PHC3: variants seen among roughly 807,000 people sequenced by gnomAD.
The protein encoded by PHC3 is polyhomeotic-like protein 3.
Under a neutral mutation model 107.4 loss-of-function variants are expected in PHC3, and 13 were observed. The ratio of observed to expected loss-of-function variants is 0.12; its 90% confidence interval spans 0.08 to 0.19. PHC3 has a LOEUF of 0.19. Ranked by LOEUF, PHC3 falls within the 10% of genes least tolerant of loss-of-function variation. PHC3 has a pLI of 1.00. For missense variants in PHC3, 992 were observed against 1,210.9 expected (o/e 0.82, Z 2.68); for synonymous variants, 456 against 427.4 (o/e 1.07, Z -0.83).
In PHC3 at chr3:170,102,524, T is replaced by C. The variant is rs760164597; in HGVS notation, c.2788A>G (p.Ile930Val). 19 of 1,613,732 alleles carry C rather than the reference T, an allele frequency of 1.2e-5. No homozygotes were observed. In the Admixed American group the frequency reaches 1.8e-4, roughly 16 times the overall value. ...GCCCAGACATCATCAACTGTCCATA[T>C]AGATGGCTCTGTTTGTGCAACTGGT... Reference protein sequence around the residue: ...LLPVAQTEPSIWTVDDVWAFI... With the variant: ...LLPVAQTEPSVWTVDDVWAFI... Residue 930 changes from isoleucine (I) to valine (V), a missense_variant, in exon 14 of 15, where the codon ATA (isoleucine) becomes GTA (valine). Ile to Val is a conservative substitution (Grantham distance 29, BLOSUM62 3). Around this residue, in one of 6 missense-constraint regions of PHC3, gnomAD observed 228 missense variants for 288.8 expected, o/e 0.79. Transcript: ENST00000495893.
rs560720406 is a variant in PHC3 at position 170,150,729 on chromosome 3, A to G, written c.415-1485T>C. 141 of 424,682 alleles carry G rather than the reference A, an allele frequency of 3.3e-4. 2 individuals carry two copies. The highest frequency in any genetic ancestry group is 2.0e-3 in the South Asian group (127 of 62,582). The allele number at this position is 424,682 out of a possible 1,614,324, so 26.3% of individuals were successfully genotyped here. ...CTCCATCTAAAAAGAGAAAAGAAAA[A>G]AAGAAAAAAACCCAATAAACTAGTG... On this transcript the variant is annotated intron_variant, in intron 4 of 14. Coordinates refer to ENST00000495893, the MANE Select transcript of PHC3 (RefSeq NM_024947.4).
chr3:170,146,529 CTTTTTCTTTTT>C (rs1724984321), intron 5 of PHC3, among the ~76,000 whole-genome samples: 1 of 138,948 alleles, frequency 7.2e-6, no homozygotes, highest in Non-Finnish European at 1.5e-5. Flanking sequence ...TTTTCCTTTT[CTTTTTCTTTTT>C]TTTTTTTTTT....
intron 12 of PHC3, among the ~76,000 whole-genome samples, chr3:170,103,294 A>G (rs1213678157): frequency 6.6e-6 from 1 of 152,254 alleles, no homozygotes; most frequent in East Asian, 1.9e-4. Flanking sequence ...GAAGTTATGT[A>G]GTATCTAAAT....
chr3:170,131,813 G>T (rs1195537874), intron 7 of PHC3, among the ~76,000 whole-genome samples: 1 of 152,104 alleles, frequency 6.6e-6, no homozygotes, highest in African/African-American at 2.4e-5. Context: ...CTCCAGCCTG[G>T]GCAACAGAGG....
intron 6 of PHC3, among the ~76,000 whole-genome samples, chr3:170,139,939 T>G (rs1403948136): frequency 6.6e-6 from 1 of 152,130 alleles, no homozygotes; most frequent in Non-Finnish European, 1.5e-5. Flanking sequence ...TTATGAAAAC[T>G]TTCTGGCTTT....
At chr3:170,120,845 C>A (rs1165622147) in intron 9 of PHC3, among the ~76,000 whole-genome samples, 1 of 152,076 alleles carries the variant, frequency 6.6e-6, no homozygotes, top group Non-Finnish European at 1.5e-5. Flanking sequence ...CCTGTTGTAG[C>A]AGTCCTTCTT....
intron 4 of PHC3, among the ~76,000 whole-genome samples, chr3:170,151,074 G>A (rs1232528867): frequency 6.6e-6 from 1 of 152,000 alleles, no homozygotes; most frequent in Non-Finnish European, 1.5e-5. Context: ...AGCCAGGTGT[G>A]ATGGCACGCG....
intron 11 of PHC3, among the ~76,000 whole-genome samples, chr3:170,111,376 GAA>G (rs1348959901): frequency 7.0e-6 from 1 of 143,318 alleles, no homozygotes; most frequent in Non-Finnish European, 1.5e-5. Flanking sequence ...GAAAAAGAAA[GAA>G]AGAGAGAGAA....
At chr3:170,166,420 T>C (rs1301289081) in intron 4 of PHC3, among the ~76,000 whole-genome samples, 1 of 152,216 alleles carries the variant, frequency 6.6e-6, no homozygotes, top group Non-Finnish European at 1.5e-5. Context: ...GCATTCTTGC[T>C]TCTTACACTC....
chr3:170,133,093 T>C (rs933751378), intron 7 of PHC3, among the ~76,000 whole-genome samples: 18 of 152,298 alleles, frequency 1.2e-4, no homozygotes, highest in African/African-American at 4.3e-4. Flanking sequence ...TAGATTTTTT[T>C]ACATTTAAAA....
At position 170,117,378 on chromosome 3, in the gene PHC3, G is replaced by A. The variant is rs755897164; in HGVS notation, c.2041C>T (p.Leu681Phe). 1 of 1,613,894 alleles carries A rather than the reference G, an allele frequency of 6.2e-7. No homozygotes were observed. Among genetic ancestry groups the A allele is most frequent in the African/African-American group, 1.3e-5 (1 of 75,020 alleles). The change falls in exon 10 of 15, where the codon CTT becomes TTT. Residue 681 changes from leucine to phenylalanine, a missense_variant. Physicochemically the swap from Leu to Phe is conservative, Grantham distance 22. Transcript: ENST00000495893. ...TTACTCCTTGTGGTGGCAGCTGGAAGTAACAATGGAGGTGGTGGAACAGAA... is the reference window on the plus strand; with the variant it reads ...TTACTCCTTGTGGTGGCAGCTGGAAATAACAATGGAGGTGGTGGAACAGAA... The part of the protein sequence containing the change: ...HVSVPPPPLL[L>F]PAATTRSNST...
intron 8 of PHC3, among the ~76,000 whole-genome samples, chr3:170,126,714 GT>G (rs1289129519): frequency 6.6e-6 from 1 of 151,020 alleles, no homozygotes; most frequent in Non-Finnish European, 1.5e-5. Context: ...GCTAATTTTT[GT>G]ATTTTTAGTA....
At chr3:170,139,810 T>C (rs1389650830) in intron 6 of PHC3, among the ~76,000 whole-genome samples, 1 of 152,200 alleles carries the variant, frequency 6.6e-6, no homozygotes, top group Non-Finnish European at 1.5e-5. Flanking sequence ...AGATAACATA[T>C]ACGGATTTCC....
chr3:170,152,161 TTTTTG>T (rs758555637), intron 4 of PHC3, among the ~76,000 whole-genome samples: 66 of 151,672 alleles, frequency 4.4e-4, no homozygotes, highest in Non-Finnish European at 7.4e-4. Context: ...ATTTTGTTTG[TTTTTG>T]TTTTGTTTTG....
chr3:170,128,255 C>T, intron 8 of PHC3: 1 of 717,706 alleles, frequency 1.4e-6, no homozygotes, highest in South Asian at 2.4e-5. Context: ...CTCTAGGATG[C>T]ATAAAACTAA....
chr3:170,145,002 C>G (rs1488306480), intron 6 of PHC3, among the ~76,000 whole-genome samples: 1 of 152,204 alleles, frequency 6.6e-6, no homozygotes, highest in Non-Finnish European at 1.5e-5. Flanking sequence ...GCCACTGCAC[C>G]TGACCAATTT....
At chr3:170,158,973 C>T (rs1344358409) in intron 4 of PHC3, among the ~76,000 whole-genome samples, 9 of 150,810 alleles carry the variant, frequency 6.0e-5, no homozygotes, top group Non-Finnish European at 1.2e-4. Context: ...AAATCTGGGC[C>T]GGGCGTGGTG....
chr3:170,163,408 G>GT (rs1156618436), intron 4 of PHC3, among the ~76,000 whole-genome samples: 1 of 150,726 alleles, frequency 6.6e-6, no homozygotes, highest in Non-Finnish European at 1.5e-5. Flanking sequence ...TATGATTGTA[G>GT]TTTTCAGCCA....
chr3:170,170,564 C>CA (rs1729433933), intron 4 of PHC3: 1 of 151,288 alleles, frequency 6.6e-6, no homozygotes, highest in South Asian at 2.1e-4. Context: ...TCTGTGGCTT[C>CA]AAAAAACAAT....
Sources: allele counts gnomAD v4.1 joint callset (sites outside exome capture counted in the v4.1 genomes callset), GRCh38; gene constraint gnomAD v4.1.1; regional missense constraint gnomAD v4.1.1; transcripts MANE v1.5; gene names NCBI Gene and HGNC (gene_info 2026-07-23, HGNC 2026-07-21).